The following EEA1 variants were observed in gnomAD, a reference collection of about 807,000 sequenced individuals.
EEA1 encodes the protein early endosome antigen 1.
A neutral mutation model predicts 209.2 loss-of-function variants in EEA1; 111 were observed. That is an observed-to-expected ratio of 0.53 (90% CI 0.45 to 0.62). EEA1 has a LOEUF of 0.62. Ranked by LOEUF, EEA1 falls within the 20% of genes least tolerant of loss-of-function variation. The pLI, the probability that EEA1 is intolerant of heterozygous loss-of-function variation, is 0.00. For missense variants in EEA1, 1,343 were observed against 1,530.8 expected (o/e 0.88, Z 2.05); for synonymous variants, 536 against 540.6 (o/e 0.99, Z 0.12).
chr12:92,787,733 TAAC>T, intron 22 of EEA1, 131 bp downstream of exon 22: 1 of 701,542 alleles, frequency 1.4e-6, no homozygotes, highest in Non-Finnish European at 2.1e-6. Flanking sequence ...TAATACAAAA[TAAC>T]AATTTAATAG....
chr12:92,912,625 G>C (rs1306781030), intron 1 of EEA1, among the ~76,000 whole-genome samples: 1 of 152,166 alleles, frequency 6.6e-6, no homozygotes, highest in African/African-American at 2.4e-5. Context: ...ATATTGTATA[G>C]TGGTGAAGTC....
At chr12:92,827,070 T>C (rs1200943064) in intron 12 of EEA1, among the ~76,000 whole-genome samples, 1 of 152,138 alleles carries the variant, frequency 6.6e-6, no homozygotes, top group Non-Finnish European at 1.5e-5. Context: ...ATGTGTTTAA[T>C]TCTGGCCAGT....
At chr12:92,800,441 T>A (rs1043896773) in intron 20 of EEA1, among the ~76,000 whole-genome samples, 1 of 152,202 alleles carries the variant, frequency 6.6e-6, no homozygotes, top group Non-Finnish European at 1.5e-5. Flanking sequence ...CATATTTTAC[T>A]AAGAACCTAG....
intron 5 of EEA1, among the ~76,000 whole-genome samples, chr12:92,856,099 C>G (rs7979023): frequency 6.6e-6 from 1 of 152,280 alleles, no homozygotes; most frequent in Admixed American, 6.5e-5. Flanking sequence ...AAAAAGCAAA[C>G]AAGCCTCACT....
chr12:92,858,426 G>C lies in EEA1; in HGVS notation c.246-941C>G. ...GGTAGCCTTGGAGCAACAGTCACCA[G>C]ATATTTCTGAAGGTGTTCATCTTGA... On this transcript the variant is annotated intron_variant, in intron 3 of 28. Transcript: ENST00000322349. 3 of 1,228,882 alleles carry C rather than the reference G, an allele frequency of 2.4e-6. No individual in the cohort carries two copies. In the South Asian group the frequency reaches 3.6e-5, roughly 15 times the overall value. The allele number at this position is 1,228,882 out of a possible 1,614,324, so 76.1% of individuals were successfully genotyped here.
intron 5 of EEA1, among the ~76,000 whole-genome samples, chr12:92,854,310 A>C (rs1196212144): frequency 1.3e-5 from 2 of 152,258 alleles, no homozygotes; most frequent in Non-Finnish European, 2.9e-5. Context: ...AACTGGCAAC[A>C]TTCAATCGTA....
chr12:92,842,510 T>G lies in EEA1; in HGVS notation c.870A>C (p.Leu290=). 6.2e-7 allele frequency: 1 copy of G among 1,609,478 alleles called. No homozygotes were observed. Among genetic ancestry groups the G allele is most frequent in the Non-Finnish European group, 8.5e-7 (1 of 1,177,880 alleles). The part of the protein sequence containing the change: ...PQEVAVYVQE[L]QKLKSSVNEL... Reference sequence around the variant, plus strand: ...CATTAACTGAACTTTTCAGTTTTTGTAGTTCCTGTACATATACAGCAACTT... The same window carrying G: ...CATTAACTGAACTTTTCAGTTTTTGGAGTTCCTGTACATATACAGCAACTT... Residue 290 remains leucine (L), a synonymous_variant, in exon 10 of 29, where the codon CTA becomes CTC. Transcript: ENST00000322349.
chr12:92,860,109 G>A (rs558026824), intron 3 of EEA1, among the ~76,000 whole-genome samples: 29 of 152,202 alleles, frequency 1.9e-4, no homozygotes, highest in Non-Finnish European at 3.4e-4. Flanking sequence ...TTTTAATTTA[G>A]TAAACCAATC....
At chr12:92,858,498 G>C in intron 3 of EEA1, 1 of 928,230 alleles carries the variant, frequency 1.1e-6, no homozygotes, top group Non-Finnish European at 1.8e-6. Flanking sequence ...CTTGATGTTT[G>C]GCTACGCCAC....
At chr12:92,879,490 C>A in intron 2 of EEA1, 6 of 254,706 alleles carry the variant, frequency 2.4e-5, no homozygotes, top group South Asian at 1.1e-4. Context: ...ATTATCATCT[C>A]AATAGATGTG....
chr12:92,894,437 C>T (rs911247538), intron 1 of EEA1, among the ~76,000 whole-genome samples: 4 of 152,076 alleles, frequency 2.6e-5, no homozygotes, highest in Non-Finnish European at 5.9e-5. Context: ...AGACTAAAAG[C>T]TAGGCCTTTG....
chr12:92,826,117 A>G (rs761037649), intron 13 of EEA1, 49 bp downstream of exon 13: 2 of 1,591,508 alleles, frequency 1.3e-6, no homozygotes, highest in South Asian at 2.3e-5. Context: ...ATTCTATGTA[A>G]TGGTAATTAA....
intron 22 of EEA1, among the ~76,000 whole-genome samples, chr12:92,784,741 GTTCTT>G (rs1252585038): frequency 6.6e-6 from 1 of 152,070 alleles, no homozygotes; most frequent in Non-Finnish European, 1.5e-5. Context: ...CATTTTAAAT[GTTCTT>G]TTCATCTTTC....
chr12:92,890,128 G>GA (rs1447075129), intron 2 of EEA1, among the ~76,000 whole-genome samples: 1 of 152,186 alleles, frequency 6.6e-6, no homozygotes, highest in Non-Finnish European at 1.5e-5. Context: ...TCAAGTCAAA[G>GA]AAAGAGTTTT....
chr12:92,771,039 C>T lies in EEA1; in HGVS notation c.*4972G>A, dbSNP rs992713294. ...TGTGTGTGTTAGCACAGTACAGTCA[C>T]TTAATTTTATTTGGCAGGACTTCAA... On this transcript the variant is annotated 3_prime_UTR_variant, in exon 29 of 29. Transcript: ENST00000322349. 1.3e-4 allele frequency: 20 copies of T among 150,442 alleles called. No homozygotes were observed. The highest frequency in any genetic ancestry group is 4.9e-4 in the African/African-American group (20 of 41,110). The allele number at this position is 150,442 out of a possible 1,614,324, so 9.3% of individuals were successfully genotyped here. A position where few individuals can be genotyped will look rare whatever the true frequency, so the allele number is the denominator to read the frequency against.
intron 2 of EEA1, among the ~76,000 whole-genome samples, chr12:92,891,407 G>C (rs536188755): frequency 1.5e-4 from 23 of 152,216 alleles, no homozygotes; most frequent in African/African-American, 5.3e-4. Context: ...TAGCATTAAA[G>C]ACAAATTGGC....
At chr12:92,896,466 T>A (rs1879890769) in intron 1 of EEA1, among the ~76,000 whole-genome samples, 1 of 152,212 alleles carries the variant, frequency 6.6e-6, no homozygotes, top group South Asian at 2.1e-4. Flanking sequence ...GAGGATTGAC[T>A]CAAGTTTTGA....
chr12:92,811,306 T>C lies in EEA1; in HGVS notation c.2172A>G (p.Lys724=), dbSNP rs1476756224. The change falls in exon 17 of 29, where the codon AAA becomes AAG. Residue 724 remains lysine, a synonymous_variant. Transcript: ENST00000322349. ...YKEKYLSLEQ[K]TEELEGQIKK... ...TAATTTGACCTTCTAGCTCTTCGGTTTTCTGTTCTAAAGAGAGGTATTTCT... is the reference window on the plus strand; with the variant it reads ...TAATTTGACCTTCTAGCTCTTCGGTCTTCTGTTCTAAAGAGAGGTATTTCT... 1.3e-6 allele frequency: 2 copies of C among 1,577,348 alleles called. No individual in the cohort carries two copies. Among genetic ancestry groups the C allele is most frequent in the African/African-American group, 2.8e-5 (2 of 72,538 alleles).
chr12:92,825,996 C>G (rs547711657), intron 13 of EEA1, among the ~76,000 whole-genome samples, 170 bp downstream of exon 13: 7 of 151,766 alleles, frequency 4.6e-5, no homozygotes, highest in African/African-American at 1.7e-4. Context: ...TTCTGATTAT[C>G]CAGACTTCAA....
Sources: allele counts gnomAD v4.1 joint callset (sites outside exome capture counted in the v4.1 genomes callset), GRCh38; gene constraint gnomAD v4.1.1; transcripts MANE v1.5; gene names NCBI Gene and HGNC (gene_info 2026-07-23, HGNC 2026-07-21).